Variants in ZBTB20 observed in about 807,000 individuals in gnomAD.
ZBTB20 encodes the protein zinc finger and BTB domain-containing protein 20.
Under a neutral mutation model 56.9 loss-of-function variants are expected in ZBTB20, and 9 were observed. That is an observed-to-expected ratio of 0.16 (90% confidence interval 0.10 to 0.28). The LOEUF (loss-of-function observed/expected upper bound fraction) is 0.28. ZBTB20 is among the 10% of genes least tolerant of loss of function. The pLI, the probability that ZBTB20 is intolerant of heterozygous loss-of-function variation, is 1.00. For synonymous variants in ZBTB20, 417 were observed against 420.7 expected, an observed-to-expected ratio of 0.99 and a Z score of 0.11; for missense variants, 655 against 1,003.0, an observed-to-expected ratio of 0.65 and a Z score of 4.69.
intron 10 of ZBTB20, among the ~76,000 whole-genome samples, chr3:114,361,846 G>T (rs1457572515): frequency 6.6e-6 from 1 of 152,170 alleles, no homozygotes; most frequent in Non-Finnish European, 1.5e-5. Flanking sequence ...CACTTTGAGA[G>T]GAACAGTGAT....
chr3:114,983,895 T>C (rs760125552), intron 2 of ZBTB20, among the ~76,000 whole-genome samples: 3 of 152,008 alleles, frequency 2.0e-5, no homozygotes, highest in Non-Finnish European at 4.4e-5. Context: ...GGTTTTCAGG[T>C]TTTTCACAAC....
chr3:114,686,095 T>A (rs1450199854), intron 6 of ZBTB20, among the ~76,000 whole-genome samples: 1 of 152,162 alleles, frequency 6.6e-6, no homozygotes, highest in Non-Finnish European at 1.5e-5. Flanking sequence ...TTTCCTCTAC[T>A]CTCTCTTTAA....
chr3:114,967,692 C>G (rs1271200253), intron 3 of ZBTB20, among the ~76,000 whole-genome samples: 1 of 141,244 alleles, frequency 7.1e-6, no homozygotes, highest in Non-Finnish European at 1.6e-5. Flanking sequence ...CGCAGTGGCT[C>G]ACGCCTGTAA....
chr3:114,809,119 T>C (rs1015747909), intron 4 of ZBTB20, among the ~76,000 whole-genome samples: 1 of 152,092 alleles, frequency 6.6e-6, no homozygotes, highest in Non-Finnish European at 1.5e-5. Flanking sequence ...TTTCTCTTTT[T>C]CATTCAAAAG....
chr3:114,902,330 T>C (rs976219542), intron 3 of ZBTB20, among the ~76,000 whole-genome samples: 4 of 152,216 alleles, frequency 2.6e-5, no homozygotes, highest in Admixed American at 6.5e-5. Flanking sequence ...ACTGCCTGCA[T>C]GGTGCTGTGT....
chr3:115,034,487 T>C (rs2080833262), intron 2 of ZBTB20, among the ~76,000 whole-genome samples: 1 of 151,830 alleles, frequency 6.6e-6, no homozygotes, highest in Non-Finnish European at 1.5e-5. Flanking sequence ...CAATTCCATA[T>C]ACAGTAGTAT....
intron 6 of ZBTB20, among the ~76,000 whole-genome samples, chr3:114,656,960 A>T (rs570051782): frequency 3.5e-4 from 53 of 152,280 alleles, no homozygotes; most frequent in African/African-American, 1.0e-3. Context: ...ATATTTTTTT[A>T]AAATCCTGAA....
At chr3:114,393,360 A>G (rs1342619819) in intron 7 of ZBTB20, among the ~76,000 whole-genome samples, 2 of 152,270 alleles carry the variant, frequency 1.3e-5, no homozygotes, top group Non-Finnish European at 2.9e-5. Flanking sequence ...ATATAAATGT[A>G]CATTTTAAAT....
At chr3:115,046,632 T>G (rs1024118600) in intron 2 of ZBTB20, among the ~76,000 whole-genome samples, 4 of 152,202 alleles carry the variant, frequency 2.6e-5, no homozygotes, top group Non-Finnish European at 5.9e-5. Context: ...TTTATAGGAT[T>G]TACAAGTATT....
At chr3:115,079,939 C>G (rs1279073395) in intron 1 of ZBTB20, among the ~76,000 whole-genome samples, 1 of 152,108 alleles carries the variant, frequency 6.6e-6, no homozygotes, top group Non-Finnish European at 1.5e-5. Context: ...ACGATATGAT[C>G]TTATTTATTC....
At position 114,768,834 on chromosome 3, in the gene ZBTB20, T is replaced by A. The variant is rs867899603; in HGVS notation, c.-343+32267A>T. Among the ~76,000 whole-genome samples, 7 of 152,228 alleles carry A rather than the reference T, an allele frequency of 4.6e-5. No homozygotes were observed. The South Asian group carries it at 1.2e-3, about 27-fold the overall frequency. The stretch of plus-strand genomic sequence containing the variant: ...CTTCATTAATATCACAAATCTAACA[T>A]GTGGTAGAGCAAAGGCTAGAACTCA... On this transcript the variant is annotated intron_variant, in intron 5 of 11. Transcript: ENST00000675478.
intron 1 of ZBTB20, among the ~76,000 whole-genome samples, chr3:115,108,002 AGGAG>A (rs952387032): frequency 6.6e-6 from 1 of 152,130 alleles, no homozygotes; most frequent in African/African-American, 2.4e-5. Flanking sequence ...GGGGGGTGAG[AGGAG>A]GGAGAGCATC....
chr3:115,129,393 A>T (rs989619667), intron 1 of ZBTB20, among the ~76,000 whole-genome samples: 2 of 152,216 alleles, frequency 1.3e-5, no homozygotes, highest in African/African-American at 2.4e-5. Flanking sequence ...TATTAAGATG[A>T]TACTTACGTT....
At chr3:115,105,910 C>T (rs2083707858) in intron 1 of ZBTB20, among the ~76,000 whole-genome samples, 1 of 151,996 alleles carries the variant, frequency 6.6e-6, no homozygotes, top group Non-Finnish European at 1.5e-5. Flanking sequence ...CTTCGCCTCC[C>T]CAGTTCAAGC....
chr3:114,924,887 C>A (rs2076093117), intron 3 of ZBTB20, among the ~76,000 whole-genome samples: 1 of 151,310 alleles, frequency 6.6e-6, no homozygotes, highest in African/African-American at 2.4e-5. Context: ...AATGACTTTT[C>A]CTTCAACCCC....
At chr3:115,064,638 G>A (rs566410806) in intron 2 of ZBTB20, among the ~76,000 whole-genome samples, 1 of 151,658 alleles carries the variant, frequency 6.6e-6, no homozygotes, top group Non-Finnish European at 1.5e-5. Flanking sequence ...TTTTAGAGAT[G>A]AGGTTTCACC....
intron 6 of ZBTB20, among the ~76,000 whole-genome samples, chr3:114,550,196 C>T (rs2050397555): frequency 6.6e-6 from 1 of 152,124 alleles, no homozygotes; most frequent in Non-Finnish European, 1.5e-5. Flanking sequence ...CCTTGGCCTC[C>T]CAAAGTGCTG....
rs1297411514 is a variant in ZBTB20 at position 115,147,226 on chromosome 3, C to G, written c.-710G>C. The G allele has an allele frequency of 2.6e-5, 4 of 151,714 alleles. No homozygotes were observed. Among genetic ancestry groups the G allele is most frequent in the African/African-American group, 9.7e-5 (4 of 41,214 alleles). 9.4% of individuals were successfully genotyped at this position (151,714 alleles called of 1,614,324 possible). A position where few individuals can be genotyped will look rare whatever the true frequency, so the allele number is the denominator to read the frequency against. ...TAGAGTTTGTGGCATTACCTCCTCGCGCTCTTTAATCTTCTTTCCTCAACT... is the reference window on the plus strand; with the variant it reads ...TAGAGTTTGTGGCATTACCTCCTCGGGCTCTTTAATCTTCTTTCCTCAACT... On this transcript the variant is annotated 5_prime_UTR_variant, in exon 1 of 12. Transcript: ENST00000675478.
rs1553796440 is a variant in ZBTB20, at chr3:114,354,589, T to TG, written c.200-2712_200-2711insC. On this transcript the variant is annotated intron_variant, in intron 10 of 11. Transcript: ENST00000675478. ...TTTTTTTTTGTTTTGTTTTGTTTGT[T>TG]TTTTTTTTTTTTGACAGAGTCTTGC... 9.5e-5 allele frequency among the ~76,000 whole-genome samples: 14 copies of TG among 147,908 alleles called. No homozygotes were observed. In the East Asian group the frequency reaches 2.7e-3, roughly 29 times the overall value.
Sources: allele counts gnomAD v4.1 joint callset (sites outside exome capture counted in the v4.1 genomes callset), GRCh38; gene constraint gnomAD v4.1.1; transcripts MANE v1.5; gene names NCBI Gene and HGNC (gene_info 2026-07-23, HGNC 2026-07-21).